Variants in UBR3 observed in about 807,000 individuals in gnomAD.
UBR3 encodes the protein E3 ubiquitin-protein ligase UBR3.
In UBR3, 85 loss-of-function variants were observed where a neutral mutation model predicts 243.2. That is an observed-to-expected ratio of 0.35 (90% CI 0.29 to 0.42). The LOEUF (loss-of-function observed/expected upper bound fraction) is 0.42, where lower values mean the gene tolerates loss of function less well. Ranked by LOEUF, UBR3 falls within the 10% of genes least tolerant of loss-of-function variation. The pLI is 1.00. For missense variants in UBR3, 1,686 were observed against 2,300.8 expected (o/e 0.73, Z 5.47); for synonymous variants, 748 against 799.8 (o/e 0.94, Z 1.09).
At chr2:169,915,123 G>T (rs1473595553) in intron 11 of UBR3, among the ~76,000 whole-genome samples, 2 of 151,930 alleles carry the variant, frequency 1.3e-5, no homozygotes, top group African/African-American at 2.4e-5. Context: ...TTTACCAGTT[G>T]TCCCATGATA....
chr2:169,876,660 C>A (rs1486645147), intron 3 of UBR3, among the ~76,000 whole-genome samples: 1 of 151,636 alleles, frequency 6.6e-6, no homozygotes, highest in Non-Finnish European at 1.5e-5. Flanking sequence ...TGGGTTCAAG[C>A]GATTCTCCTG....
intron 33 of UBR3, among the ~76,000 whole-genome samples, chr2:170,060,437 G>T (rs1171302364): frequency 1.3e-5 from 2 of 151,666 alleles, no homozygotes. Flanking sequence ...TTTTTATAGT[G>T]TATTATTTTA....
chr2:170,055,530 T>C lies in UBR3; in HGVS notation c.4731T>C (p.Val1577=), dbSNP rs755595739. Residue 1577 remains valine, a synonymous_variant, in exon 33 of 39, where the codon GTT becomes GTC. Transcript: ENST00000272793. The part of the protein sequence containing the change: ...LYTQALAALS[V]KCSEEDRSAW... ...CACAGGCTCTTGCAGCACTCTCAGT[T>C]AAATGCAGCGAAGAAGATAGGTCAG... The C allele has an allele frequency of 2.5e-6, 4 of 1,613,696 alleles. No homozygotes were observed. Among genetic ancestry groups the C allele is most frequent in the Non-Finnish European group, 2.5e-6 (3 of 1,179,770 alleles).
chr2:170,007,117 G>T lies in UBR3; in HGVS notation c.4157G>T (p.Arg1386Leu). 6.2e-7 allele frequency: 1 copy of T among 1,613,220 alleles called. No homozygotes were observed. Among genetic ancestry groups the T allele is most frequent in the Non-Finnish European group, 8.5e-7 (1 of 1,179,840 alleles). ...AATGTGGAAAATAACCCTTGGCAAC[G>T]TCCTAGCAACAAAAGCATACAAGAT... Reference protein sequence around the residue: ...GSNVENNPWQRPSNKSIQDLI... With the variant: ...GSNVENNPWQLPSNKSIQDLI... Residue 1386 changes from arginine (R) to leucine (L), a missense_variant, in exon 28 of 39, where the codon CGT becomes CTT. Around this residue, in one of 8 missense-constraint regions of UBR3, gnomAD observed 371 missense variants for 422.5 expected, o/e 0.88. Transcript: ENST00000272793.
At chr2:169,867,006 G>C (rs1218455139) in intron 1 of UBR3, among the ~76,000 whole-genome samples, 1 of 151,984 alleles carries the variant, frequency 6.6e-6, no homozygotes, top group African/African-American at 2.4e-5. Context: ...GGTCCTTGAA[G>C]CAAAAAAGAA....
chr2:170,033,527 C>T (rs1002567650), intron 31 of UBR3, among the ~76,000 whole-genome samples: 14 of 147,632 alleles, frequency 9.5e-5, no homozygotes, highest in African/African-American at 3.5e-4. Context: ...TGCTTCTTTT[C>T]CTAGTACTAG....
chr2:169,994,402 C>G lies in UBR3; in HGVS notation c.3864C>G (p.Thr1288=), dbSNP rs2089406415. The G allele has an allele frequency of 4.3e-6, 7 of 1,613,998 alleles. No homozygotes were observed. The highest frequency in any genetic ancestry group is 5.9e-6 in the Non-Finnish European group (7 of 1,180,032). ...AGGAGCAGATTTACCCTTGGGATAC[C>G]TGTGCAGCCGTTCATGATGTGAGGC... ...SEEEQIYPWD[T]CAAVHDVRLS... is the part of the protein sequence containing the mutation. Residue 1288 remains threonine, a synonymous_variant, in exon 26 of 39, where the codon ACC becomes ACG. Coordinates refer to ENST00000272793, the MANE Select transcript of UBR3 (RefSeq NM_172070.4).
At chr2:169,931,514 G>A (rs1222541168) in intron 18 of UBR3, among the ~76,000 whole-genome samples, 2 of 152,146 alleles carry the variant, frequency 1.3e-5, no homozygotes, top group Admixed American at 6.5e-5. Context: ...GGTTAACAGT[G>A]TCTTGTGCTA....
chr2:169,856,697 C>T (rs12618386), intron 1 of UBR3, among the ~76,000 whole-genome samples: 6,623 of 152,160 alleles, frequency 0.044, 218 homozygotes, highest in East Asian at 0.12. Flanking sequence ...TCAGGCATGG[C>T]GGCGCGCGCC....
chr2:170,003,228 T>A (rs139203954), intron 27 of UBR3, among the ~76,000 whole-genome samples: 99 of 152,342 alleles, frequency 6.5e-4, no homozygotes, highest in African/African-American at 2.3e-3. Flanking sequence ...CAGGTGTAAC[T>A]TATTTACTAC....
In UBR3 at chr2:169,949,877, C is replaced by T; in HGVS notation, c.3357C>T (p.Ile1119=). The T allele has an allele frequency of 6.2e-7, 1 of 1,604,706 alleles. No individual in the cohort carries two copies. Among genetic ancestry groups the T allele is most frequent in the Non-Finnish European group, 8.5e-7 (1 of 1,174,654 alleles). ...PPWLDDIEIL[I]QPEIPKYSHG... Reference sequence around the variant, plus strand: ...GGCTTGATGACATAGAAATTTTAATCCAACCAGAAATTCCTAAATACAGTC... The same window carrying T: ...GGCTTGATGACATAGAAATTTTAATTCAACCAGAAATTCCTAAATACAGTC... The change falls in exon 23 of 39, where the codon ATC becomes ATT. Residue 1119 remains isoleucine, a synonymous_variant. Coordinates refer to ENST00000272793, the MANE Select transcript of UBR3 (RefSeq NM_172070.4).
chr2:169,953,744 C>T (rs1376881842), intron 23 of UBR3, among the ~76,000 whole-genome samples: 1 of 152,154 alleles, frequency 6.6e-6, no homozygotes, highest in African/African-American at 2.4e-5. Flanking sequence ...TTAAAAAGTA[C>T]ACTCTATGGA....
chr2:170,023,157 G>A (rs1388771477), intron 30 of UBR3, among the ~76,000 whole-genome samples: 1 of 151,246 alleles, frequency 6.6e-6, no homozygotes, highest in Non-Finnish European at 1.5e-5. Context: ...TTTTTTTTAA[G>A]GGACAGGGTC....
intron 24 of UBR3, among the ~76,000 whole-genome samples, chr2:169,970,389 T>C (rs1452953267): frequency 0.062 from 1 of 16 alleles, no homozygotes; most frequent in Non-Finnish European, 0.071. Flanking sequence ...TAGTTACATA[T>C]GTATACATTG....
At chr2:169,829,598 T>C (rs909482154) in intron 1 of UBR3, among the ~76,000 whole-genome samples, 2 of 151,838 alleles carry the variant, frequency 1.3e-5, no homozygotes, top group African/African-American at 4.8e-5. Context: ...TAATTTTGTA[T>C]TTTTTTAGTA....
chr2:169,960,672 A>G (rs2087530636), intron 24 of UBR3, among the ~76,000 whole-genome samples: 4 of 152,120 alleles, frequency 2.6e-5, no homozygotes, highest in Admixed American at 6.5e-5. Flanking sequence ...TGAACTAATA[A>G]GCACCCCATC....
At chr2:169,969,023 G>C (rs2087959634) in intron 24 of UBR3, among the ~76,000 whole-genome samples, 1 of 151,974 alleles carries the variant, frequency 6.6e-6, no homozygotes, top group South Asian at 2.1e-4. Context: ...CAGATAATTT[G>C]TCCATTTTCA....
intron 30 of UBR3, among the ~76,000 whole-genome samples, chr2:170,019,645 G>A (rs570289671): frequency 2.0e-5 from 3 of 152,108 alleles, no homozygotes; most frequent in South Asian, 4.1e-4. Context: ...TGATTGTGCC[G>A]TTGCACTACA....
intron 1 of UBR3, among the ~76,000 whole-genome samples, chr2:169,842,470 C>T: frequency 6.6e-6 from 1 of 152,266 alleles, no homozygotes; most frequent in South Asian, 2.1e-4. Context: ...CCCTTCCACA[C>T]TGTGGAAGCT....
Sources: allele counts gnomAD v4.1 joint callset (sites outside exome capture counted in the v4.1 genomes callset), GRCh38; gene constraint gnomAD v4.1.1; regional missense constraint gnomAD v4.1.1; transcripts MANE v1.5; gene names NCBI Gene and HGNC (gene_info 2026-07-23, HGNC 2026-07-21).